CDC14A: variants seen among roughly 807,000 people sequenced by gnomAD.
The protein encoded by CDC14A is cell division cycle 14A.
Under a neutral mutation model 74.4 loss-of-function variants are expected in CDC14A, and 53 were observed. The observed-to-expected ratio is 0.71, with a 90% CI of 0.57 to 0.89. CDC14A has a LOEUF of 0.89. Ranked by LOEUF, CDC14A falls within the 40% of genes least tolerant of loss-of-function variation. CDC14A has a pLI of 0.00. For synonymous variants in CDC14A, 247 were observed against 258.4 expected (o/e 0.96, Z 0.43); for missense variants, 646 against 713.7 (o/e 0.91, Z 1.08).
Position 100,518,816 on chromosome 1 carries a change from G to T in CDC14A, c.*536G>T, listed in dbSNP as rs1650441291. 6.6e-6 allele frequency: 1 copy of T among 152,556 alleles called. No homozygotes were observed. Among genetic ancestry groups the T allele is most frequent in the Non-Finnish European group, 1.5e-5 (1 of 68,036 alleles). The allele number at this position is 152,556 out of a possible 1,614,324, so 9.5% of individuals were successfully genotyped here. A position where few individuals can be genotyped will look rare whatever the true frequency, so the allele number is the denominator to read the frequency against. On this transcript the variant is annotated 3_prime_UTR_variant, in exon 16 of 16. Coordinates refer to ENST00000336454, the MANE Select transcript of CDC14A (RefSeq NM_003672.4). ...GAAGAAGTAAGGGAGAAAGTTTTTA[G>T]AAAGTGATTTTTATGCTCGCACTAT...
chr1:100,459,114 C>CAGAGAGAGAG (rs1557781968), intron 8 of CDC14A, among the ~76,000 whole-genome samples: 20 of 148,088 alleles, frequency 1.4e-4, no homozygotes, highest in African/African-American at 5.0e-4. Context: ...CACACACACA[C>CAGAGAGAGAG]ACACACACAC....
intron 7 of CDC14A, among the ~76,000 whole-genome samples, chr1:100,449,185 A>G (rs1286200126): frequency 2.0e-5 from 3 of 152,220 alleles, no homozygotes; most frequent in Non-Finnish European, 2.9e-5. Flanking sequence ...CCACATTACA[A>G]TGTAGCGCAT....
intron 7 of CDC14A, among the ~76,000 whole-genome samples, chr1:100,448,288 T>C (rs1665770910): frequency 6.6e-6 from 1 of 152,246 alleles, no homozygotes; most frequent in Admixed American, 6.5e-5. Flanking sequence ...ATCTGCCCCC[T>C]GCCATAACTC....
intron 11 of CDC14A, among the ~76,000 whole-genome samples, chr1:100,489,422 C>T (rs967328939): frequency 3.9e-5 from 6 of 152,134 alleles, no homozygotes; most frequent in Non-Finnish European, 8.8e-5. Flanking sequence ...CACAGCCTTT[C>T]CTATAGCTTA....
chr1:100,376,544 TC>T (rs1271611622), intron 2 of CDC14A, among the ~76,000 whole-genome samples: 2 of 152,126 alleles, frequency 1.3e-5, no homozygotes, highest in Admixed American at 1.3e-4. Context: ...TATTTTGAGT[TC>T]CAGGTGACGG....
chr1:100,405,530 T>G (rs1264542562), intron 4 of CDC14A, among the ~76,000 whole-genome samples: 1 of 152,208 alleles, frequency 6.6e-6, no homozygotes, highest in Admixed American at 6.5e-5. Context: ...TTCTTCCTGA[T>G]GCTCTTCCTC....
chr1:100,385,802 T>C (rs1233582589), intron 3 of CDC14A, among the ~76,000 whole-genome samples: 2 of 152,150 alleles, frequency 1.3e-5, no homozygotes, highest in African/African-American at 4.8e-5. Flanking sequence ...CTTTGGATAA[T>C]GGTGGAATGT....
chr1:100,467,976 A>G lies in CDC14A; in HGVS notation c.859A>G (p.Thr287Ala), dbSNP rs1668010751. 6.2e-7 allele frequency: 1 copy of G among 1,601,346 alleles called. No homozygotes were observed. The highest frequency in any genetic ancestry group is 8.5e-7 in the Non-Finnish European group (1 of 1,175,850). Reference sequence around the variant, plus strand: ...TACAGCTGGTCTTGGAAGAACAGGGACATTGATAGCCTGTTATGTAATGAA... The same window carrying G: ...TACAGCTGGTCTTGGAAGAACAGGGGCATTGATAGCCTGTTATGTAATGAA... ...HCKAGLGRTGTLIACYVMKHY... is the reference protein window; with the variant it reads ...HCKAGLGRTGALIACYVMKHY... The change falls in exon 10 of 16, where the codon ACA (threonine) becomes GCA (alanine). Residue 287 changes from threonine to alanine, a missense_variant. By Grantham distance (58) the Thr-to-Ala change is moderately conservative. Coordinates refer to ENST00000336454, the MANE Select transcript of CDC14A (RefSeq NM_003672.4).
chr1:100,475,784 C>T (rs1668832550), intron 10 of CDC14A, among the ~76,000 whole-genome samples: 1 of 152,122 alleles, frequency 6.6e-6, no homozygotes, highest in Non-Finnish European at 1.5e-5. Flanking sequence ...TCCTGTGACA[C>T]CACTCCAGCT....
At chr1:100,413,131 G>A (rs1661093877) in intron 4 of CDC14A, among the ~76,000 whole-genome samples, 2 of 152,276 alleles carry the variant, frequency 1.3e-5, no homozygotes, top group South Asian at 4.1e-4. Flanking sequence ...TGTGGCACAT[G>A]TTTGAACAGT....
intron 4 of CDC14A, among the ~76,000 whole-genome samples, chr1:100,412,965 G>C (rs1376793112): frequency 6.6e-6 from 1 of 150,938 alleles, no homozygotes; most frequent in Admixed American, 6.6e-5. Context: ...GCTGAGGCAG[G>C]AGAATCACTT....
intron 6 of CDC14A, 71 bp downstream of exon 6, chr1:100,440,069 A>G (rs1664759854): frequency 3.5e-6 from 4 of 1,141,572 alleles, no homozygotes; most frequent in Non-Finnish European, 5.3e-6. Flanking sequence ...TAATCTCAAC[A>G]TCCTTATTTG....
At chr1:100,392,135 A>G (rs925314478) in intron 4 of CDC14A, among the ~76,000 whole-genome samples, 2 of 152,092 alleles carry the variant, frequency 1.3e-5, no homozygotes, top group Non-Finnish European at 2.9e-5. Flanking sequence ...TACTGAGAGT[A>G]TTTGTAGTGC....
intron 15 of CDC14A, among the ~76,000 whole-genome samples, chr1:100,517,682 C>A (rs1650347050): frequency 6.6e-6 from 1 of 152,178 alleles, no homozygotes; most frequent in South Asian, 2.1e-4. Flanking sequence ...GACTCTTCTG[C>A]ATAAATGTTT....
In CDC14A at chr1:100,420,063, C is replaced by CACACACACACACACATATATATAT; in HGVS notation, c.310-4158_310-4157insCACACACACACACATATATATATA. On this transcript the variant is annotated intron_variant, in intron 4 of 15. Coordinates refer to ENST00000336454, the MANE Select transcript of CDC14A (RefSeq NM_003672.4). The stretch of plus-strand genomic sequence containing the variant: ...ACACACACACACACACACACACACA[C>CACACACACACACACATATATATAT]ATATATATATATATATATAGTGTGT... Among the ~76,000 whole-genome samples, 80 of 61,550 alleles carry CACACACACACACACATATATATAT rather than the reference C, an allele frequency of 1.3e-3. 1 individual carries two copies. The highest frequency in any genetic ancestry group is 3.1e-3 in the African/African-American group (78 of 24,898). 40.4% of individuals were successfully genotyped at this position (61,550 alleles called of 152,430 possible). A position where few individuals can be genotyped will look rare whatever the true frequency, so the allele number is the denominator to read the frequency against.
intron 6 of CDC14A, 106 bp from the exon 7 acceptor site, chr1:100,442,828 G>C (rs1571204871): frequency 2.6e-6 from 2 of 766,134 alleles, no homozygotes; most frequent in East Asian, 5.1e-5. Flanking sequence ...GTTTCAAGCT[G>C]TCTCTTCAGA....
At chr1:100,351,655 T>C (rs1651019266), upstream of CDC14A, 1 of 1,226,098 alleles carries the variant, frequency 8.2e-7, no homozygotes, top group Non-Finnish European at 1.2e-6. Context: ...GGCTCAGCGG[T>C]CTCGCCCCGC....
chr1:100,467,902 T>A, intron 9 of CDC14A, 54 bp from the exon 10 acceptor site: 1 of 1,504,010 alleles, frequency 6.6e-7, no homozygotes, highest in Non-Finnish European at 8.9e-7. Flanking sequence ...TCAGTGTTTT[T>A]GTGGTAGCAT....
intron 7 of CDC14A, among the ~76,000 whole-genome samples, chr1:100,444,649 A>G (rs1665332579): frequency 6.6e-6 from 1 of 151,888 alleles, no homozygotes; most frequent in Admixed American, 6.6e-5. Flanking sequence ...CCGCTCCTCC[A>G]TTTCGTTTGT....
Sources: allele counts gnomAD v4.1 joint callset (sites outside exome capture counted in the v4.1 genomes callset), GRCh38; gene constraint gnomAD v4.1.1; transcripts MANE v1.5; gene names NCBI Gene and HGNC (gene_info 2026-07-23, HGNC 2026-07-21).